The following DACH1 variants were observed in gnomAD, a reference collection of about 807,000 sequenced individuals.
The protein encoded by DACH1 is dachshund family transcription factor 1.
A neutral mutation model predicts 54.2 loss-of-function variants in DACH1; 12 were observed. That is an observed-to-expected ratio of 0.22 (90% CI 0.14 to 0.36). The LOEUF (loss-of-function observed/expected upper bound fraction) is 0.36, where lower values mean the gene tolerates loss of function less well. Among genes scored for constraint, DACH1 ranks in the 10% least tolerant of loss-of-function variants. The pLI is 1.00. For synonymous variants in DACH1, 386 were observed against 366.2 expected (o/e 1.05, Z -0.62); for missense variants, 805 against 929.8 (o/e 0.87, Z 1.75).
At chr13:71,802,378 T>G (rs946167781) in intron 1 of DACH1, among the ~76,000 whole-genome samples, 4 of 152,134 alleles carry the variant, frequency 2.6e-5, no homozygotes, top group South Asian at 2.1e-4. Flanking sequence ...TTTTCTATTA[T>G]TTGTTAAATA....
rs571644719 is a variant in DACH1 at position 71,619,487 on chromosome 13, G to GT, written c.1126+11068dup. On this transcript the variant is annotated intron_variant, in intron 3 of 10. Transcript: ENST00000613252. ...AATACCATCAAATGCTTCATGGTGG[G>GT]TTTTTTCAAAGCATCAAATGGTTCA... Among the ~76,000 whole-genome samples, 189 of 151,926 alleles carry GT rather than the reference G, an allele frequency of 1.2e-3. 2 individuals carry two copies. The South Asian group carries it at 0.014, about 12-fold the overall frequency.
intron 5 of DACH1, among the ~76,000 whole-genome samples, chr13:71,557,965 C>T (rs1362464082): frequency 6.7e-6 from 1 of 148,660 alleles, no homozygotes; most frequent in Non-Finnish European, 1.5e-5. Flanking sequence ...GCTTTTGCAG[C>T]TAGAAAAAAA....
At chr13:71,587,880 A>T (rs1366256488) in intron 3 of DACH1, among the ~76,000 whole-genome samples, 1 of 152,158 alleles carries the variant, frequency 6.6e-6, no homozygotes, top group Admixed American at 6.6e-5. Flanking sequence ...ACTCTCAGAA[A>T]GAAAGGTAGA....
rs573548394 is a variant in DACH1, at chr13:71,475,728, T to G, written c.1992A>C (p.Thr664=). Reference sequence around the variant, plus strand: ...TACCATTTAAGACCCTGAGACTATCTGTTGAAGCTGCCTGTTTTAGCGTCT... The same window carrying G: ...TACCATTTAAGACCCTGAGACTATCGGTTGAAGCTGCCTGTTTTAGCGTCT... ...AEQTLKQAAS[T]DSLRVLNDSL... Residue 664 remains threonine (T), a synonymous_variant, in exon 9 of 11, where the codon ACA becomes ACC. Transcript: ENST00000613252. The G allele has an allele frequency of 6.2e-7, 1 of 1,613,164 alleles. No individual in the cohort carries two copies. The highest frequency in any genetic ancestry group is 1.7e-5 in the Admixed American group (1 of 59,784).
At chr13:71,797,350 A>C (rs1887099678) in intron 1 of DACH1, among the ~76,000 whole-genome samples, 1 of 152,148 alleles carries the variant, frequency 6.6e-6, no homozygotes, top group Non-Finnish European at 1.5e-5. Flanking sequence ...TAAGCTGAAA[A>C]TTAGAAAAGT....
intron 2 of DACH1, chr13:71,675,057 C>T (rs1880470135): frequency 1.5e-6 from 2 of 1,325,368 alleles, no homozygotes; most frequent in Non-Finnish European, 2.2e-6. Context: ...AAGGAGGTCT[C>T]TGTACCACGG....
At position 71,867,144 on chromosome 13, in the gene DACH1, G is replaced by C. The variant is rs987592122; in HGVS notation, c.-375C>G. Reference sequence around the variant, plus strand: ...AGTTAAGGATGAAGGTGAAAAGGAGGAGGTTTGAAGGACTTGGGCTCTCCC... The same window carrying C: ...AGTTAAGGATGAAGGTGAAAAGGAGCAGGTTTGAAGGACTTGGGCTCTCCC... On this transcript the variant is annotated 5_prime_UTR_variant, in exon 1 of 11. Transcript: ENST00000613252. The C allele has an allele frequency of 5.3e-6, 1 of 190,052 alleles. No individual in the cohort carries two copies. The highest frequency in any genetic ancestry group is 2.3e-5 in the African/African-American group (1 of 42,968). 11.8% of individuals were successfully genotyped at this position (190,052 alleles called of 1,614,324 possible).
chr13:71,496,833 G>A (rs536283402), intron 6 of DACH1, among the ~76,000 whole-genome samples: 1 of 152,174 alleles, frequency 6.6e-6, no homozygotes, highest in South Asian at 2.1e-4. Context: ...ATATATCTAT[G>A]CTGATGCATA....
At chr13:71,600,249 T>C (rs1874397825) in intron 3 of DACH1, among the ~76,000 whole-genome samples, 1 of 152,166 alleles carries the variant, frequency 6.6e-6, no homozygotes, top group South Asian at 2.1e-4. Flanking sequence ...ACTTTCAAGT[T>C]CTTGGCTCCT....
intron 1 of DACH1, among the ~76,000 whole-genome samples, chr13:71,713,675 A>G (rs1882835518): frequency 6.6e-6 from 1 of 152,172 alleles, no homozygotes; most frequent in Non-Finnish European, 1.5e-5. Flanking sequence ...ACAAATTAAA[A>G]TATTTGTTAT....
At chr13:71,818,775 T>A (rs2138175691) in intron 1 of DACH1, among the ~76,000 whole-genome samples, 1 of 152,342 alleles carries the variant, frequency 6.6e-6, no homozygotes, top group South Asian at 2.1e-4. Flanking sequence ...TGGATTCTCC[T>A]TTGGAGTGTG....
At chr13:71,584,319 T>C (rs1426219715) in intron 3 of DACH1, among the ~76,000 whole-genome samples, 1 of 152,190 alleles carries the variant, frequency 6.6e-6, no homozygotes, top group East Asian at 1.9e-4. Context: ...GATTTTGAAA[T>C]TTTGCTCTGT....
rs1593667021 is a variant in DACH1, at chr13:71,865,926, C to A, written c.844G>T (p.Ala282Ser). 6.2e-7 allele frequency: 1 copy of A among 1,604,640 alleles called. No homozygotes were observed. Among genetic ancestry groups the A allele is most frequent in the Non-Finnish European group, 8.5e-7 (1 of 1,175,128 alleles). Residue 282 changes from alanine (A) to serine (S), a missense_variant, in exon 1 of 11, where the codon GCA (alanine) becomes TCA (serine). Transcript: ENST00000613252. ...GGGCTATCCCCCCCGACTCACCTTG[C>A]GTTGGTGCAGTCATTGTAGAGGGTC... Reference protein sequence around the residue: ...FETLYNDCTNASSRPGRPPKR... With the variant: ...FETLYNDCTNSSSRPGRPPKR...
chr13:71,559,113 C>T (rs1445219906), intron 5 of DACH1, among the ~76,000 whole-genome samples: 2 of 151,972 alleles, frequency 1.3e-5, no homozygotes, highest in East Asian at 3.9e-4. Flanking sequence ...TGTACAGACA[C>T]AAAAATCACT....
intron 1 of DACH1, among the ~76,000 whole-genome samples, chr13:71,739,194 G>C (rs1884280003): frequency 6.6e-6 from 1 of 152,096 alleles, no homozygotes; most frequent in Non-Finnish European, 1.5e-5. Context: ...GGAGGTTGTG[G>C]TGAGCCGAGA....
At chr13:71,643,303 A>T (rs1348149727) in intron 2 of DACH1, among the ~76,000 whole-genome samples, 2 of 152,206 alleles carry the variant, frequency 1.3e-5, no homozygotes, top group Admixed American at 6.5e-5. Flanking sequence ...TCCTACAAAG[A>T]GTTTCAAAAG....
In DACH1 at chr13:71,485,060, T is replaced by TA. The variant is rs1566288419; in HGVS notation, c.1722+3936_1722+3937insT. Among the ~76,000 whole-genome samples, 229 of 150,996 alleles carry TA rather than the reference T, an allele frequency of 1.5e-3. 1 individual carries two copies. Among genetic ancestry groups the TA allele is most frequent in the African/African-American group, 5.4e-3 (223 of 41,220 alleles). On this transcript the variant is annotated intron_variant, in intron 7 of 10. Transcript: ENST00000613252. Reference sequence around the variant, plus strand: ...GACAGAGGGAGACTCCGTCTTAAATTTAAAAAAAAAAAAAGAAAAAAGAGT... The same window carrying TA: ...GACAGAGGGAGACTCCGTCTTAAATTATAAAAAAAAAAAAAGAAAAAAGAGT...
intron 3 of DACH1, among the ~76,000 whole-genome samples, chr13:71,577,548 C>T (rs1005144506): frequency 2.6e-5 from 4 of 152,140 alleles, no homozygotes; most frequent in African/African-American, 7.2e-5. Context: ...GATTCAGTTG[C>T]TATAATAAGC....
In DACH1 at chr13:71,499,256, T is replaced by C. The variant is rs1352110745; in HGVS notation, c.1571-10108A>G. ...CTGGCATAGCTTAGGCTGAAAAGAT[T>C]CACTTAATTGACCTTTCTGTCATTT... On this transcript the variant is annotated intron_variant, in intron 6 of 10. Coordinates refer to ENST00000613252, the MANE Select transcript of DACH1 (RefSeq NM_080759.6). 2.0e-5 allele frequency among the ~76,000 whole-genome samples: 3 copies of C among 152,198 alleles called. No individual in the cohort carries two copies. In the East Asian group the frequency reaches 5.8e-4, roughly 29 times the overall value.
Sources: allele counts gnomAD v4.1 joint callset (sites outside exome capture counted in the v4.1 genomes callset), GRCh38; gene constraint gnomAD v4.1.1; transcripts MANE v1.5; gene names NCBI Gene and HGNC (gene_info 2026-07-23, HGNC 2026-07-21).